NBEAL1: variants seen among roughly 807,000 people sequenced by gnomAD.
NBEAL1 encodes the protein neurobeachin-like protein 1.
NBEAL1 carries 273 observed loss-of-function variants against 351.3 expected under a neutral mutation model. The ratio of observed to expected loss-of-function variants is 0.78; its 90% CI spans 0.70 to 0.86. NBEAL1 has a LOEUF of 0.86. Ranked by LOEUF, NBEAL1 falls within the 40% of genes least tolerant of loss-of-function variation. NBEAL1 has a pLI of 0.00. For synonymous variants in NBEAL1, 1,050 were observed against 1,086.4 expected, an observed-to-expected ratio of 0.97 and a Z score of 0.66; for missense variants, 2,961 against 3,201.3, an observed-to-expected ratio of 0.92 and a Z score of 1.81.
At chr2:203,156,853 GTTAA>G (rs1458472330) in intron 35 of NBEAL1, among the ~76,000 whole-genome samples, 2 of 152,034 alleles carry the variant, frequency 1.3e-5, no homozygotes, top group Non-Finnish European at 2.9e-5. Flanking sequence ...AGTTAAGTAT[GTTAA>G]TTTTTTTTCC....
intron 36 of NBEAL1, among the ~76,000 whole-genome samples, chr2:203,158,371 T>A (rs1359094743): frequency 6.6e-6 from 1 of 152,216 alleles, no homozygotes; most frequent in East Asian, 1.9e-4. Flanking sequence ...GTAATAACTT[T>A]ATGCCTGTAA....
At chr2:203,208,493 A>T (rs1464181204) in intron 51 of NBEAL1, 144 bp from the exon 52 acceptor site, 4 of 555,310 alleles carry the variant, frequency 7.2e-6, no homozygotes, top group Non-Finnish European at 1.3e-5. Context: ...AAATGTAAGA[A>T]TGAGTACTAT....
intron 2 of NBEAL1, among the ~76,000 whole-genome samples, chr2:203,032,521 G>T (rs530551275): frequency 5.3e-4 from 80 of 151,606 alleles, no homozygotes; most frequent in Non-Finnish European, 9.9e-4. Context: ...TTAGCCGGGC[G>T]TGGTGTCGGG....
chr2:203,116,879 A>G (rs991749626), intron 18 of NBEAL1, among the ~76,000 whole-genome samples: 5 of 151,740 alleles, frequency 3.3e-5, no homozygotes, highest in African/African-American at 1.2e-4. Context: ...AGGTGGGCGG[A>G]TCACCTGAGG....
rs868729896 is a variant in NBEAL1, at chr2:203,103,060, A to G, written c.1269+3348A>G. Among the ~76,000 whole-genome samples the G allele has an allele frequency of 1.2e-4, 19 of 152,020 alleles. No homozygotes were observed. In the Middle Eastern group the frequency reaches 0.01, roughly 82 times the overall value. ...GGAGGTTGTATGTTTCTAGGAATTT[A>G]TCCATTTCTTCTAGGTTTTCTAGCT... On this transcript the variant is annotated intron_variant, in intron 12 of 55. Coordinates refer to ENST00000683969, the MANE Select transcript of NBEAL1 (RefSeq NM_001378026.1).
At chr2:203,034,371 ATAGTCTCGATATCC>A (rs1338075207) in intron 2 of NBEAL1, among the ~76,000 whole-genome samples, 1 of 138,960 alleles carries the variant, frequency 7.2e-6, no homozygotes, top group Admixed American at 7.3e-5. Flanking sequence ...GTTGGCCAGG[ATAGTCTCGATATCC>A]TGACCTTGCG....
intron 21 of NBEAL1, 48 bp from the exon 22 acceptor site, chr2:203,126,507 GAC>G: frequency 8.0e-7 from 1 of 1,253,878 alleles, no homozygotes. Flanking sequence ...ATAACTTAAT[GAC>G]AGTTATTTAA....
In NBEAL1 at chr2:203,041,842, A is replaced by G. The variant is rs1404649239; in HGVS notation, c.129A>G (p.Glu43=). ...SYEQFLDVDF[E]KLPTRVDDMP... The stretch of plus-strand genomic sequence containing the variant: ...AACAATTTTTAGACGTTGACTTTGA[A>G]AAGCTGCCTACCAGGTATGTAGAAA... The change falls in exon 3 of 56, where the codon GAA becomes GAG. Residue 43 remains glutamate (E), a synonymous_variant. Transcript: ENST00000683969. 2.1e-5 allele frequency: 33 copies of G among 1,552,712 alleles called. No individual in the cohort carries two copies. The highest frequency in any genetic ancestry group is 2.8e-5 in the Non-Finnish European group (32 of 1,146,912).
chr2:203,122,006 G>A (rs533392903), intron 18 of NBEAL1, among the ~76,000 whole-genome samples: 20 of 151,936 alleles, frequency 1.3e-4, no homozygotes, highest in Admixed American at 6.6e-4. Flanking sequence ...GGCTGGTTTC[G>A]AACTCCTAAC....
intron 10 of NBEAL1, among the ~76,000 whole-genome samples, chr2:203,092,435 C>T (rs550505702): frequency 8.5e-4 from 128 of 151,392 alleles, no homozygotes; most frequent in African/African-American, 2.8e-3. Context: ...TGTGGTGGTG[C>T]GCACCTGTAG....
rs1250761753 is a variant in NBEAL1 at position 203,189,587 on chromosome 2, T to G, written c.6824-705T>G. ...TTTTTTAGAGAGATGAAGTCTCACT[T>G]TGTTGTCCAGGCTGGTTTCAAACTC... On this transcript the variant is annotated intron_variant, in intron 45 of 55. Coordinates refer to ENST00000683969, the MANE Select transcript of NBEAL1 (RefSeq NM_001378026.1). Among the ~76,000 whole-genome samples, 3 of 151,744 alleles carry G rather than the reference T, an allele frequency of 2.0e-5. No individual in the cohort carries two copies. In the East Asian group the frequency reaches 5.9e-4, roughly 30 times the overall value.
chr2:203,103,776 G>C (rs560154754), intron 12 of NBEAL1, among the ~76,000 whole-genome samples: 1 of 152,060 alleles, frequency 6.6e-6, no homozygotes, highest in Non-Finnish European at 1.5e-5. Flanking sequence ...CACTGCTTTA[G>C]CTATGTCCCA....
intron 12 of NBEAL1, among the ~76,000 whole-genome samples, chr2:203,103,350 T>G (rs1258672000): frequency 4.6e-5 from 7 of 152,074 alleles, no homozygotes; most frequent in Non-Finnish European, 1.0e-4. Flanking sequence ...CTCAGCTCAC[T>G]GCAACCTCCG....
chr2:203,193,934 C>A, intron 47 of NBEAL1, 23 bp downstream of exon 47: 2 of 1,324,586 alleles, frequency 1.5e-6, no homozygotes, highest in South Asian at 1.3e-5. Context: ...TTGGTAATAT[C>A]AAAAAGAGTT....
intron 46 of NBEAL1, among the ~76,000 whole-genome samples, chr2:203,192,441 A>G (rs1194665966): frequency 6.6e-6 from 1 of 151,490 alleles, no homozygotes; most frequent in Admixed American, 6.6e-5. Flanking sequence ...CTGGAGTACA[A>G]TGGCACAATC....
In NBEAL1 at chr2:203,110,242, C is replaced by T. The variant is rs181724607; in HGVS notation, c.2042C>T (p.Thr681Met). 26 of 1,552,796 alleles carry T rather than the reference C, an allele frequency of 1.7e-5. No homozygotes were observed. Among genetic ancestry groups the T allele is most frequent in the East Asian group, 4.8e-5 (2 of 41,266 alleles). ...VAVCTKREYA[T>M]VMLPDHSFCD... is the part of the protein sequence containing the mutation. ...GTGTGCACAAAAAGAGAATATGCAA[C>T]GGTTATGCTTCCTGACCACAGTTTC... The change falls in exon 15 of 56, where the codon ACG becomes ATG. Residue 681 changes from threonine (T) to methionine (M), a missense_variant. By Grantham distance (81) the Thr-to-Met change is moderately conservative. Coordinates refer to ENST00000683969, the MANE Select transcript of NBEAL1 (RefSeq NM_001378026.1).
intron 7 of NBEAL1, among the ~76,000 whole-genome samples, chr2:203,073,839 T>C (rs898209319): frequency 6.6e-6 from 1 of 152,246 alleles, no homozygotes; most frequent in Admixed American, 6.5e-5. Context: ...TATTTCGACC[T>C]TCTTTTCTAG....
chr2:203,126,956 A>T, intron 23 of NBEAL1, 30 bp downstream of exon 23: 1 of 1,426,936 alleles, frequency 7.0e-7, no homozygotes, highest in Non-Finnish European at 9.6e-7. Context: ...TCTCAGTTTG[A>T]TATATTATTT....
rs866463260 is a variant in NBEAL1, at chr2:203,032,397, C to A, written c.52-9368C>A. On this transcript the variant is annotated intron_variant, in intron 2 of 55. Coordinates refer to ENST00000683969, the MANE Select transcript of NBEAL1 (RefSeq NM_001378026.1). ...GAACAGCTGGGCACGGTGGCTCACACCTGTAATCCCAGCACTTTGGGAGGC... is the reference window on the plus strand; with the variant it reads ...GAACAGCTGGGCACGGTGGCTCACAACTGTAATCCCAGCACTTTGGGAGGC... Among the ~76,000 whole-genome samples, 17 of 152,214 alleles carry A rather than the reference C, an allele frequency of 1.1e-4. No homozygotes were observed. In the South Asian group the frequency reaches 1.7e-3, roughly 15 times the overall value.
Sources: allele counts gnomAD v4.1 joint callset (sites outside exome capture counted in the v4.1 genomes callset), GRCh38; gene constraint gnomAD v4.1.1; transcripts MANE v1.5; gene names NCBI Gene and HGNC (gene_info 2026-07-23, HGNC 2026-07-21).